Variants in NCKAP5 observed in about 807,000 individuals in gnomAD.
NCKAP5 encodes nck-associated protein 5.
A neutral mutation model predicts 167.0 loss-of-function variants in NCKAP5; 92 were observed. The ratio of observed to expected loss-of-function variants is 0.55; its 90% CI spans 0.47 to 0.66. NCKAP5 has a LOEUF of 0.66. Among genes scored for constraint, NCKAP5 ranks in the 30% least tolerant of loss-of-function variants. The pLI is 0.00. For synonymous variants in NCKAP5, 891 were observed against 877.4 expected, an observed-to-expected ratio of 1.02 and a Z score of -0.27; for missense variants, 2,378 against 2,315.0, an observed-to-expected ratio of 1.03 and a Z score of -0.56.
At chr2:132,887,319 TTATCTATCTATC>T (rs142083213) in intron 8 of NCKAP5, among the ~76,000 whole-genome samples, 1 of 140,788 alleles carries the variant, frequency 7.1e-6, no homozygotes, top group African/African-American at 2.9e-5. Flanking sequence ...AACTTTTATT[TTATCTATCTATC>T]TATCTATCTA....
At chr2:133,101,851 G>C (rs976136549) in intron 6 of NCKAP5, among the ~76,000 whole-genome samples, 46 of 152,288 alleles carry the variant, frequency 3.0e-4, no homozygotes, top group African/African-American at 1.1e-3. Flanking sequence ...AAGTAAACAT[G>C]TCTGACAGGG....
At chr2:133,465,706 T>A (rs1297626531) in intron 3 of NCKAP5, among the ~76,000 whole-genome samples, 1 of 152,120 alleles carries the variant, frequency 6.6e-6, no homozygotes, top group African/African-American at 2.4e-5. Context: ...CCATTCTAAC[T>A]GGTGTGAGAT....
chr2:133,611,129 A>G, the NCKAP5 span, among the ~76,000 whole-genome samples: 1 of 152,190 alleles, frequency 6.6e-6, no homozygotes, highest in Non-Finnish European at 1.5e-5. Flanking sequence ...ATGCCCGAAA[A>G]AAAAAGGCAT....
At chr2:133,513,909 C>T (rs571127806) in intron 3 of NCKAP5, among the ~76,000 whole-genome samples, 1 of 152,246 alleles carries the variant, frequency 6.6e-6, no homozygotes, top group African/African-American at 2.4e-5. Flanking sequence ...CATGCTCCAG[C>T]ATGCTCATCA....
intron 7 of NCKAP5, among the ~76,000 whole-genome samples, chr2:132,964,629 T>C (rs573965518): frequency 2.0e-5 from 3 of 152,270 alleles, no homozygotes; most frequent in Middle Eastern, 6.8e-3. Flanking sequence ...ATCCATTTTG[T>C]GCATGGAGAC....
chr2:132,801,660 G>A (rs1298187298), intron 11 of NCKAP5, among the ~76,000 whole-genome samples: 1 of 152,196 alleles, frequency 6.6e-6, no homozygotes, highest in East Asian at 1.9e-4. Context: ...GCTAAGCTTT[G>A]GGGACCTGGC....
At chr2:132,895,816 C>CAAAAA (rs59012786) in intron 8 of NCKAP5, among the ~76,000 whole-genome samples, 1 of 105,250 alleles carries the variant, frequency 9.5e-6, no homozygotes, top group Non-Finnish European at 2.0e-5. Context: ...GAGAAGGACT[C>CAAAAA]AAAAAAAAAA....
intron 7 of NCKAP5, 30 bp from the exon 8 acceptor site, chr2:132,963,899 T>C: frequency 6.2e-7 from 1 of 1,611,048 alleles, no homozygotes; most frequent in Non-Finnish European, 8.5e-7. Context: ...CTGTTTTCAA[T>C]AATCTCCAGT....
At chr2:133,215,213 CTG>C (rs1324722108) in intron 4 of NCKAP5, among the ~76,000 whole-genome samples, 1 of 152,122 alleles carries the variant, frequency 6.6e-6, no homozygotes, top group Non-Finnish European at 1.5e-5. Context: ...CAGAAAGCTC[CTG>C]TGTGTTCTCT....
chr2:132,800,229 C>T (rs1427256723), intron 11 of NCKAP5, among the ~76,000 whole-genome samples: 1 of 152,166 alleles, frequency 6.6e-6, no homozygotes, highest in Non-Finnish European at 1.5e-5. Context: ...GCTTAGGGGG[C>T]AAATTCTCTA....
intron 5 of NCKAP5, among the ~76,000 whole-genome samples, chr2:133,184,480 C>G (rs1574303261): frequency 6.6e-6 from 1 of 152,050 alleles, no homozygotes; most frequent in South Asian, 2.1e-4. Context: ...TGGGTGTATA[C>G]CCAGTAATCG....
chr2:132,691,843 C>A (rs899543839), intron 19 of NCKAP5, among the ~76,000 whole-genome samples: 1 of 152,188 alleles, frequency 6.6e-6, no homozygotes, highest in Non-Finnish European at 1.5e-5. Context: ...ATATTCCAAG[C>A]CCGTGATAAG....
At chr2:133,270,337 TACTC>T (rs1233287759) in intron 4 of NCKAP5, among the ~76,000 whole-genome samples, 1 of 152,216 alleles carries the variant, frequency 6.6e-6, no homozygotes, top group Non-Finnish European at 1.5e-5. Flanking sequence ...ACAAAGAACT[TACTC>T]TCATGTTTTA....
At chr2:133,622,812 C>T in the NCKAP5 span, among the ~76,000 whole-genome samples, 1 of 152,004 alleles carries the variant, frequency 6.6e-6, no homozygotes, top group Non-Finnish European at 1.5e-5. Flanking sequence ...TCCTAATATT[C>T]ATATGGAATC....
At chr2:132,794,268 A>G (rs1354556417) in intron 12 of NCKAP5, among the ~76,000 whole-genome samples, 1 of 58,772 alleles carries the variant, frequency 1.7e-5, no homozygotes, top group Non-Finnish European at 3.0e-5. Flanking sequence ...ATATATAGAG[A>G]GAGAGAGAGA....
chr2:133,085,726 G>A (rs560972244), intron 6 of NCKAP5, among the ~76,000 whole-genome samples: 3 of 152,246 alleles, frequency 2.0e-5, no homozygotes, highest in African/African-American at 7.2e-5. Context: ...TTCATCGCTG[G>A]TTTCCATAAA....
chr2:133,643,196 A>G, the NCKAP5 span, among the ~76,000 whole-genome samples: 2 of 152,214 alleles, frequency 1.3e-5, no homozygotes, highest in Non-Finnish European at 2.9e-5. Context: ...CTGCACATTT[A>G]TACATATTTT....
intron 10 of NCKAP5, among the ~76,000 whole-genome samples, chr2:132,867,123 T>A (rs1353010112): frequency 3.6e-5 from 1 of 28,164 alleles, no homozygotes; most frequent in Non-Finnish European, 5.3e-5. Flanking sequence ...GTGTAGCTAT[T>A]TTTTTTTTTG....
intron 5 of NCKAP5, among the ~76,000 whole-genome samples, chr2:133,152,517 T>C (rs2083418084): frequency 6.6e-6 from 1 of 152,206 alleles, no homozygotes; most frequent in Non-Finnish European, 1.5e-5. Context: ...TGCAAATTTA[T>C]GAATACTGAA....
Sources: gnomAD v4.1 joint callset for allele counts (sites outside exome capture counted in the v4.1 genomes callset) on GRCh38, gnomAD v4.1.1 for gene constraint, MANE v1.5 for transcripts, NCBI Gene and HGNC (gene_info 2026-07-23, HGNC 2026-07-21) for gene names.